Variants in RRM2 observed in about 807,000 individuals in gnomAD.
RRM2 encodes the protein ribonucleoside-diphosphate reductase subunit M2.
In RRM2, 6 loss-of-function variants were observed where a neutral mutation model predicts 45.9. That is an observed-to-expected ratio of 0.13 (90% confidence interval 0.07 to 0.26). The LOEUF (loss-of-function observed/expected upper bound fraction) is 0.26, where lower values mean the gene tolerates loss of function less well. RRM2 is among the 10% of genes least tolerant of loss of function. The pLI, the probability that RRM2 is intolerant of heterozygous loss-of-function variation, is 1.00. For synonymous variants in RRM2, 177 were observed against 173.0 expected (o/e 1.02, Z -0.18); for missense variants, 343 against 489.5 (o/e 0.70, Z 2.82).
At chr2:10,133,409 G>A (rs997594955), downstream of RRM2, among the ~76,000 whole-genome samples, 4 of 152,246 alleles carry the variant, frequency 2.6e-5, no homozygotes, top group African/African-American at 9.6e-5. Context: ...ATGCAAAGGA[G>A]GAACCAGATG....
Position 10,127,230 on chromosome 2 carries a change from A to G in RRM2, c.798+10A>G. ...TATTAGCAGAGATGAGGTGAGTCTA[A>G]GTCAAATAATAGGGTGACCTAAACC... On this transcript the variant is annotated intron_variant, in intron 7 of 9. Coordinates refer to ENST00000304567, the MANE Select transcript of RRM2 (RefSeq NM_001034.4). The surrounding 1 kb of genome is among the most constrained non-coding windows in gnomAD (Gnocchi z 4.1). 6.2e-7 allele frequency: 1 copy of G among 1,611,310 alleles called. No homozygotes were observed. Among genetic ancestry groups the G allele is most frequent in the Non-Finnish European group, 8.5e-7 (1 of 1,179,138 alleles).
upstream of RRM2, among the ~76,000 whole-genome samples, chr2:10,140,432 T>C (rs1275546450): frequency 1.3e-5 from 2 of 152,230 alleles, no homozygotes; most frequent in Non-Finnish European, 2.9e-5. Flanking sequence ...CTGTATTTTC[T>C]ATCTTTACAG....
Position 10,129,532 on chromosome 2 carries a change from A to G in RRM2, c.*146A>G, listed in dbSNP as rs538123832. Reference sequence around the variant, plus strand: ...TTTAAAACTGTGTAGCTACCTCACAACCAGTCCTGTCTGTTTATAGTGCTG... The same window carrying G: ...TTTAAAACTGTGTAGCTACCTCACAGCCAGTCCTGTCTGTTTATAGTGCTG... On this transcript the variant is annotated 3_prime_UTR_variant, in exon 10 of 10. Coordinates refer to ENST00000304567, the MANE Select transcript of RRM2 (RefSeq NM_001034.4). The surrounding 1 kb of genome is among the most constrained non-coding windows in gnomAD (Gnocchi z 4.8). The G allele has an allele frequency of 3.2e-5, 27 of 838,086 alleles. 1 individual carries two copies. The South Asian group carries it at 3.8e-4, about 12-fold the overall frequency. The allele number at this position is 838,086 out of a possible 1,614,324, so 51.9% of individuals were successfully genotyped here.
intron 3 of RRM2, among the ~76,000 whole-genome samples, chr2:10,190,496 G>A (rs952138249): frequency 6.7e-6 from 1 of 150,224 alleles, no homozygotes; most frequent in African/African-American, 2.4e-5. Flanking sequence ...TGGGGTTGGT[G>A]GTGATAAGTG....
intron 3 of RRM2, among the ~76,000 whole-genome samples, chr2:10,166,537 A>T (rs1170316133): frequency 6.6e-6 from 1 of 152,236 alleles, no homozygotes; most frequent in African/African-American, 2.4e-5. Flanking sequence ...GTGAGGGGTC[A>T]GGCATCCCAG....
exon 4 of RRM2, chr2:10,210,857 C>T: frequency 3.1e-6 from 1 of 321,968 alleles, no homozygotes; most frequent in Non-Finnish European, 6.1e-6. Context: ...GGGGTTGGTG[C>T]CCTTATGGTT....
In RRM2 at chr2:10,122,915, G is replaced by C. The variant is rs375643356; in HGVS notation, c.99+18G>C. The C allele has an allele frequency of 1.0e-4, 157 of 1,563,088 alleles. 1 individual carries two copies. In the African/African-American group the frequency reaches 2.0e-3, roughly 20 times the overall value. On this transcript the variant is annotated intron_variant, in intron 1 of 9. Transcript: ENST00000304567. The stretch of plus-strand genomic sequence containing the variant: ...AGAACACGGTGAGCCCGCGGGGAGG[G>C]CGCTGCGGGCAGGGGAGGGAGGCAG...
At chr2:10,125,547 T>TA (rs1662760556) in intron 5 of RRM2, among the ~76,000 whole-genome samples, 1 of 151,830 alleles carries the variant, frequency 6.6e-6, no homozygotes, top group Admixed American at 6.6e-5. Context: ...CTACTAAAAA[T>TA]AAAAAAAGTG....
chr2:10,196,172 C>A (rs73917403), intron 3 of RRM2, among the ~76,000 whole-genome samples: 1,606 of 152,284 alleles, frequency 0.011, 29 homozygotes, highest in African/African-American at 0.036. Flanking sequence ...AGACCCCTGT[C>A]CTCATATGAG....
intron 3 of RRM2, among the ~76,000 whole-genome samples, chr2:10,190,526 AATGATGGTGTTG>A (rs1558402889): frequency 1.0e-5 from 1 of 96,294 alleles, no homozygotes; most frequent in East Asian, 3.9e-4. Flanking sequence ...TGACGGTGGT[AATGATGGTGTTG>A]ATGGTGGTGG....
chr2:10,149,037 T>C (rs944970767), intron 3 of RRM2, among the ~76,000 whole-genome samples: 1 of 152,198 alleles, frequency 6.6e-6, no homozygotes, highest in African/African-American at 2.4e-5. Flanking sequence ...TTTTTCCTTC[T>C]TTCTCCAGCT....
At chr2:10,142,937 G>A (rs1271195389) in intron 3 of RRM2, among the ~76,000 whole-genome samples, 1 of 152,216 alleles carries the variant, frequency 6.6e-6, no homozygotes, top group Non-Finnish European at 1.5e-5. Context: ...GCAGTGGCGC[G>A]ATCTCGACTC....
At chr2:10,128,739 G>C in intron 7 of RRM2, 109 bp from the exon 8 acceptor site, 1 of 777,192 alleles carries the variant, frequency 1.3e-6, no homozygotes, top group Non-Finnish European at 2.2e-6. Context: ...CTCTCAGTAT[G>C]GCTGAGCATG....
At position 10,123,049 on chromosome 2, in the gene RRM2, A is replaced by G. The variant is rs1371387623; in HGVS notation, c.166A>G (p.Thr56Ala). Reference sequence around the variant, plus strand: ...CGCGAGGAGGATCTTCCAGGAGCCCACGGAGCCGGTGAGTGGCGGGCGTGG... The same window carrying G: ...CGCGAGGAGGATCTTCCAGGAGCCCGCGGAGCCGGTGAGTGGCGGGCGTGG... Reference protein sequence around the residue: ...KTARRIFQEPTEPKTKAAAPG... With the variant: ...KTARRIFQEPAEPKTKAAAPG... The change falls in exon 2 of 10, where the codon ACG becomes GCG. Residue 56 changes from threonine to alanine, a missense_variant. Around this residue, in one of 2 missense-constraint regions of RRM2, gnomAD observed 131 missense variants for 121.4 expected, o/e 1.08. Coordinates refer to ENST00000304567, the MANE Select transcript of RRM2 (RefSeq NM_001034.4). 2.6e-6 allele frequency: 4 copies of G among 1,562,790 alleles called. No individual in the cohort carries two copies. Among genetic ancestry groups the G allele is most frequent in the Non-Finnish European group, 3.4e-6 (4 of 1,161,702 alleles).
At chr2:10,163,837 A>G (rs1663623023) in intron 3 of RRM2, among the ~76,000 whole-genome samples, 1 of 152,228 alleles carries the variant, frequency 6.6e-6, no homozygotes, top group South Asian at 2.1e-4. Flanking sequence ...TGGAAGTGCA[A>G]ACCTCAGCCT....
chr2:10,129,982 C>T lies in RRM2; in HGVS notation c.*596C>T, dbSNP rs1215667504. On this transcript the variant is annotated 3_prime_UTR_variant, in exon 10 of 10. Transcript: ENST00000304567. The surrounding 1 kb of genome is among the most constrained non-coding windows in gnomAD (Gnocchi z 4.8). ...TTGTTAACCAACTTTAAAGTCAGTCCTGTGTATACCTAGATATTAGTCAGT... is the reference window on the plus strand; with the variant it reads ...TTGTTAACCAACTTTAAAGTCAGTCTTGTGTATACCTAGATATTAGTCAGT... The T allele has an allele frequency of 6.6e-6, 1 of 152,228 alleles. No individual in the cohort carries two copies. Among genetic ancestry groups the T allele is most frequent in the Non-Finnish European group, 1.5e-5 (1 of 68,118 alleles). The allele number at this position is 152,228 out of a possible 1,614,324, so 9.4% of individuals were successfully genotyped here.
At chr2:10,132,303 C>T (rs1662916955), downstream of RRM2, among the ~76,000 whole-genome samples, 1 of 152,142 alleles carries the variant, frequency 6.6e-6, no homozygotes, top group Non-Finnish European at 1.5e-5. Flanking sequence ...CTTGGGTTTA[C>T]TCCTAGAGAG....
chr2:10,199,274 G>C (rs1374086741), intron 3 of RRM2: 1 of 41,984 alleles, frequency 2.4e-5, no homozygotes, highest in Non-Finnish European at 4.2e-5. Context: ...GTGATCTCCA[G>C]CTAGAAAAAA....
Position 10,191,780 on chromosome 2 carries a change from C to G in RRM2, n.483-18531C>G, listed in dbSNP as rs571867903. Among the ~76,000 whole-genome samples the G allele has an allele frequency of 2.6e-5, 4 of 152,264 alleles. No individual in the cohort carries two copies. In the East Asian group the frequency reaches 7.7e-4, roughly 29 times the overall value. ...ATGCGCACTGGGAATAAGTGAGAGGCTCCCGCTATCTCAGACCTGGCGTGG... is the reference window on the plus strand; with the variant it reads ...ATGCGCACTGGGAATAAGTGAGAGGGTCCCGCTATCTCAGACCTGGCGTGG... On this transcript the variant is annotated intron_variant and non_coding_transcript_variant, in intron 3 of 3. Transcript: ENST00000381786.
Sources: allele counts gnomAD v4.1 joint callset (sites outside exome capture counted in the v4.1 genomes callset), GRCh38; gene constraint gnomAD v4.1.1; regional missense constraint gnomAD v4.1.1; non-coding constraint Gnocchi (gnomAD v3.1); transcripts MANE v1.5; gene names NCBI Gene and HGNC (gene_info 2026-07-23, HGNC 2026-07-21).